Variants in SPRY3 observed in about 807,000 individuals in gnomAD.
The protein encoded by SPRY3 is sprouty RTK signaling antagonist 3, also known as protein sprouty homolog 3.
A neutral mutation model predicts 20.2 loss-of-function variants in SPRY3; 15 were observed. The ratio of observed to expected loss-of-function variants is 0.74; its 90% confidence interval spans 0.50 to 1.14. SPRY3 has a LOEUF of 1.14. Ranked by LOEUF, SPRY3 falls within the 50% of genes most tolerant of loss-of-function variation. SPRY3 has a pLI of 0.00. For missense variants in SPRY3, 364 were observed against 363.9 expected (o/e 1.00, Z 0.00); for synonymous variants, 143 against 136.5 (o/e 1.05, Z -0.33).
At chrX:155,773,307 G>GATAT (rs1556238552) in intron 3 of SPRY3, among the ~76,000 whole-genome samples, 7,270 of 120,136 alleles carry the variant, frequency 0.061, 251 homozygotes, top group Non-Finnish European at 0.07. Context: ...ATTTTGATTG[G>GATAT]ATATATATAT....
At chrX:155,775,396 C>T (rs1456646968) in exon 4 of SPRY3, 7 of 167,436 alleles carry the variant, frequency 4.2e-5, no homozygotes, top group Non-Finnish European at 1.0e-4. Context: ...ATATTTGTCT[C>T]TCTCTACCTG....
At chrX:155,685,403 CTT>C (rs767255277) in intron 2 of SPRY3, among the ~76,000 whole-genome samples, 9 of 93,195 alleles carry the variant, frequency 9.7e-5, no homozygotes, top group Admixed American at 1.2e-4. Context: ...GTAGGGATTT[CTT>C]TTTTTTTTTT....
At chrX:155,706,524 G>T (rs1287996015) in intron 2 of SPRY3, among the ~76,000 whole-genome samples, 1 of 149,716 alleles carries the variant, frequency 6.7e-6, no homozygotes, top group Non-Finnish European at 1.5e-5. Context: ...GTTTAAAAGA[G>T]AAAATTAATA....
At chrX:155,675,672 C>A (rs2068056933) in intron 2 of SPRY3, among the ~76,000 whole-genome samples, 1 of 111,311 alleles carries the variant, frequency 9.0e-6, no homozygotes, top group Non-Finnish European at 1.9e-5. Flanking sequence ...GCTGCCTATG[C>A]CAGCTATTGA....
chrX:155,726,426 G>C (rs1233732166), intron 2 of SPRY3, among the ~76,000 whole-genome samples: 1 of 152,072 alleles, frequency 6.6e-6, no homozygotes, highest in Non-Finnish European at 1.5e-5. Context: ...GGGTGTTAAA[G>C]TCTCCCATTA....
intron 2 of SPRY3, among the ~76,000 whole-genome samples, chrX:155,749,515 G>C (rs1472395160): frequency 6.6e-6 from 1 of 151,704 alleles, no homozygotes; most frequent in African/African-American, 2.4e-5. Context: ...AAGAGCAAGA[G>C]AAAAATATTC....
At chrX:155,634,434 A>C (rs2124531424) in intron 1 of SPRY3, among the ~76,000 whole-genome samples, 1 of 111,651 alleles carries the variant, frequency 9.0e-6, no homozygotes, top group African/African-American at 3.3e-5. Flanking sequence ...TTAATAAGAA[A>C]CTCAATTCAC....
At chrX:155,743,170 C>G (rs1279106905) in intron 2 of SPRY3, among the ~76,000 whole-genome samples, 1 of 152,082 alleles carries the variant, frequency 6.6e-6, no homozygotes, top group Admixed American at 6.6e-5. Context: ...AAACAACCAT[C>G]GGAAAATGCT....
intron 2 of SPRY3, among the ~76,000 whole-genome samples, chrX:155,665,184 T>C (rs782171468): frequency 9.9e-5 from 11 of 110,650 alleles, no homozygotes; most frequent in Admixed American, 1.9e-4. Flanking sequence ...AATGAGATAT[T>C]ATTTAATATT....
chrX:155,696,333 T>C (rs1421202705), intron 2 of SPRY3, among the ~76,000 whole-genome samples: 1 of 109,828 alleles, frequency 9.1e-6, no homozygotes, highest in African/African-American at 3.3e-5. Flanking sequence ...ACAGCACTTA[T>C]CATGTCATCT....
intron 2 of SPRY3, among the ~76,000 whole-genome samples, chrX:155,715,470 A>C (rs1335899950): frequency 6.6e-6 from 1 of 151,924 alleles, no homozygotes; most frequent in Non-Finnish European, 1.5e-5. Context: ...AGTCCTCTTT[A>C]CTCTTCCCTC....
At chrX:155,625,851 A>G in intron 1 of SPRY3, among the ~76,000 whole-genome samples, 1 of 111,708 alleles carries the variant, frequency 9.0e-6, no homozygotes, top group Non-Finnish European at 1.9e-5. Flanking sequence ...GTATTATTTC[A>G]CTGAGCATAA....
At chrX:155,750,642 C>G (rs2091257696) in intron 2 of SPRY3, among the ~76,000 whole-genome samples, 2 of 151,806 alleles carry the variant, frequency 1.3e-5, no homozygotes, top group Admixed American at 6.6e-5. Context: ...ATATGGAGAT[C>G]ATTGGTAATG....
exon 4 of SPRY3, chrX:155,774,074 A>G (rs1182477236): frequency 5.6e-6 from 9 of 1,613,846 alleles, no homozygotes; most frequent in Admixed American, 3.3e-5. Context: ...AGTCTCAGCC[A>G]GTGCCATCAA....
chrX:155,696,911 C>T (rs187224408), intron 2 of SPRY3, among the ~76,000 whole-genome samples: 4 of 111,708 alleles, frequency 3.6e-5, no homozygotes, highest in Non-Finnish European at 7.5e-5. Context: ...TGATCAAGGA[C>T]CTTTTAAGTA....
chrX:155,634,011 G>T (rs2067915529), intron 1 of SPRY3, among the ~76,000 whole-genome samples: 1 of 110,570 alleles, frequency 9.0e-6, no homozygotes, highest in Non-Finnish European at 1.9e-5. Context: ...AACCCAGGAG[G>T]CGGAGGTTGC....
chrX:155,695,165 T>G (rs1031991554), intron 2 of SPRY3, among the ~76,000 whole-genome samples: 1 of 112,111 alleles, frequency 8.9e-6, no homozygotes, highest in Non-Finnish European at 1.9e-5. Context: ...AATGCAGGTT[T>G]GCTCTGCATG....
At chrX:155,653,304 C>T (rs781879390) in intron 1 of SPRY3, among the ~76,000 whole-genome samples, 12 of 111,923 alleles carry the variant, frequency 1.1e-4, no homozygotes, top group Non-Finnish European at 2.3e-4. Flanking sequence ...GGTGCCATAT[C>T]TAAGAAACCA....
intron 2 of SPRY3, among the ~76,000 whole-genome samples, chrX:155,673,086 G>C: frequency 2.0e-5 from 1 of 49,186 alleles, no homozygotes; most frequent in African/African-American, 6.8e-5. Flanking sequence ...GAGGGGGAGG[G>C]ATAGCATTAG....
Sources: allele counts gnomAD v4.1 joint callset (sites outside exome capture counted in the v4.1 genomes callset), GRCh38; gene constraint gnomAD v4.1.1; transcripts MANE v1.5; gene names NCBI Gene and HGNC (gene_info 2026-07-23, HGNC 2026-07-21).